Variants in CDH18 observed in about 807,000 individuals in gnomAD.
The protein encoded by CDH18 is cadherin 18, also known as cadherin-18.
CDH18 carries 31 observed loss-of-function variants against 67.9 expected under a neutral mutation model. The observed-to-expected ratio is 0.46, with a 90% CI of 0.34 to 0.62. The LOEUF is 0.62. Among genes scored for constraint, CDH18 ranks in the 20% least tolerant of loss-of-function variants. CDH18 has a pLI of 0.01. For synonymous variants in CDH18, 362 were observed against 347.2 expected, an observed-to-expected ratio of 1.04 and a Z score of -0.48; for missense variants, 890 against 975.5, an observed-to-expected ratio of 0.91 and a Z score of 1.17.
rs1580436531 is a variant in CDH18 at position 20,188,639 on chromosome 5, G to A, written c.-518+66805C>T. ...GTTTAAATAGCTTGTTTAAAATTAG[G>A]CAGATGGTAAATAGTGGGACTGACA... is the stretch of plus-strand genomic sequence containing the variant. On this transcript the variant is annotated intron_variant, in intron 2 of 14. Transcript: ENST00000507958. Among the ~76,000 whole-genome samples, 3 of 151,774 alleles carry A rather than the reference G, an allele frequency of 2.0e-5. No homozygotes were observed. The South Asian group carries it at 6.2e-4, about 32-fold the overall frequency.
intron 5 of CDH18, among the ~76,000 whole-genome samples, chr5:19,641,943 A>AAAC (rs896069631): frequency 2.2e-4 from 33 of 152,058 alleles, no homozygotes; most frequent in Non-Finnish European, 3.7e-4. Context: ...TAGAGGTACT[A>AAAC]AACAACAACA....
chr5:19,732,062 C>T lies in CDH18; in HGVS notation c.524-10596G>A, dbSNP rs148513390. ...CCCTGATCGTGCCATTGCACTCCAG[C>T]CTGGGTAACAGAGTGAGACCTTGTC... On this transcript the variant is annotated intron_variant, in intron 4 of 12. Transcript: ENST00000382275. Among the ~76,000 whole-genome samples, 1,236 of 151,510 alleles carry T rather than the reference C, an allele frequency of 8.2e-3. 9 individuals are homozygous for T. The highest frequency in any genetic ancestry group is 0.013 in the Non-Finnish European group (879 of 67,870).
chr5:20,026,663 C>G (rs1738926258), intron 2 of CDH18, among the ~76,000 whole-genome samples: 1 of 152,142 alleles, frequency 6.6e-6, no homozygotes, highest in South Asian at 2.1e-4. Flanking sequence ...TTAACATAGT[C>G]TGTTGAAAAT....
chr5:20,181,004 C>G (rs1019992540), intron 2 of CDH18, among the ~76,000 whole-genome samples: 4 of 152,126 alleles, frequency 2.6e-5, no homozygotes, highest in Non-Finnish European at 5.9e-5. Flanking sequence ...CTTCTCTATT[C>G]ATGGATCACT....
Position 19,604,267 on chromosome 5 carries a change from C to T in CDH18, c.811+8167G>A, listed in dbSNP as rs899249611. The stretch of plus-strand genomic sequence containing the variant: ...TGAATAAGTCATTCCCTATGATTAC[C>T]CCAAGGCCCTATCTTACAAAAGCTG... On this transcript the variant is annotated intron_variant, in intron 6 of 12. Transcript: ENST00000382275. Among the ~76,000 whole-genome samples, 7 of 151,742 alleles carry T rather than the reference C, an allele frequency of 4.6e-5. No homozygotes were observed. The South Asian group carries it at 6.2e-4, about 14-fold the overall frequency.
chr5:19,775,190 G>A (rs1044686911), intron 3 of CDH18, among the ~76,000 whole-genome samples: 1 of 152,166 alleles, frequency 6.6e-6, no homozygotes, highest in Admixed American at 6.5e-5. Context: ...TGGTGAAGAT[G>A]AGGATGCTTG....
At chr5:20,563,032 A>T (rs992888615) in intron 1 of CDH18, among the ~76,000 whole-genome samples, 7 of 151,040 alleles carry the variant, frequency 4.6e-5, no homozygotes, top group Non-Finnish European at 1.0e-4. Context: ...AATCTAGATC[A>T]TTTTTTTCCA....
At chr5:20,269,252 A>G (rs376824618) in intron 1 of CDH18, among the ~76,000 whole-genome samples, 1 of 152,122 alleles carries the variant, frequency 6.6e-6, no homozygotes, top group African/African-American at 2.4e-5. Context: ...AAATGTGGAG[A>G]AAAGGGAACT....
intron 2 of CDH18, among the ~76,000 whole-genome samples, chr5:20,217,510 A>T (rs1487204674): frequency 6.6e-6 from 1 of 151,914 alleles, no homozygotes; most frequent in Non-Finnish European, 1.5e-5. Flanking sequence ...CTAGAAATAT[A>T]TACAATAGAT....
intron 2 of CDH18, among the ~76,000 whole-genome samples, chr5:20,195,467 T>C (rs1738901426): frequency 2.0e-5 from 3 of 152,124 alleles, no homozygotes; most frequent in East Asian, 3.9e-4. Flanking sequence ...AAACTACCTG[T>C]CAGATCACAT....
At chr5:20,047,662 C>G (rs925051707) in intron 2 of CDH18, among the ~76,000 whole-genome samples, 2 of 151,802 alleles carry the variant, frequency 1.3e-5, no homozygotes, top group Admixed American at 6.6e-5. Context: ...GATTTTGAAT[C>G]TGCTATTCAT....
chr5:20,523,866 C>T (rs1755894721), intron 1 of CDH18, among the ~76,000 whole-genome samples: 5 of 152,114 alleles, frequency 3.3e-5, no homozygotes, highest in Non-Finnish European at 7.3e-5. Flanking sequence ...TGAATATTCA[C>T]ATACTTTCAA....
At chr5:20,322,978 G>C (rs1464666266) in intron 1 of CDH18, among the ~76,000 whole-genome samples, 1 of 151,992 alleles carries the variant, frequency 6.6e-6, no homozygotes, top group Admixed American at 6.6e-5. Context: ...ATCCTTTGGT[G>C]CAACAAAGAA....
Position 19,520,642 on chromosome 5 carries a change from A to C in CDH18, c.1512+15T>G. 2 of 1,601,524 alleles carry C rather than the reference A, an allele frequency of 1.2e-6. No individual in the cohort carries two copies. Among genetic ancestry groups the C allele is most frequent in the South Asian group, 1.1e-5 (1 of 88,544 alleles). ...TATTCCATTCAAATGAGGAGGAAGG[A>C]AACAATTAACTTACCTGGCCAGGCT... On this transcript the variant is annotated intron_variant, in intron 10 of 12. Transcript: ENST00000382275.
chr5:20,462,394 C>T (rs1249051264), intron 1 of CDH18, among the ~76,000 whole-genome samples: 1 of 152,036 alleles, frequency 6.6e-6, no homozygotes, highest in Non-Finnish European at 1.5e-5. Context: ...AGGGTACAAA[C>T]ATACAGTTGG....
chr5:20,069,910 T>A (rs1317150277), intron 2 of CDH18, among the ~76,000 whole-genome samples: 4 of 152,140 alleles, frequency 2.6e-5, no homozygotes, highest in Non-Finnish European at 4.4e-5. Context: ...ACGGCACCTA[T>A]AATTATCACC....
At chr5:19,803,052 C>A (rs896107356) in intron 3 of CDH18, among the ~76,000 whole-genome samples, 1 of 152,176 alleles carries the variant, frequency 6.6e-6, no homozygotes, top group Non-Finnish European at 1.5e-5. Flanking sequence ...GTCACTTTTA[C>A]GCTTAAATTA....
intron 2 of CDH18, among the ~76,000 whole-genome samples, chr5:19,884,634 T>C (rs928900141): frequency 6.6e-6 from 1 of 152,000 alleles, no homozygotes; most frequent in Admixed American, 6.6e-5. Context: ...TACATACTTA[T>C]GACAACTCTG....
In CDH18 at chr5:20,519,942, C is replaced by CTTTTTTTTTTTTTTTTT. The variant is rs777265512; in HGVS notation, c.-580+55503_-580+55519dup. 9.8e-4 allele frequency among the ~76,000 whole-genome samples: 41 copies of CTTTTTTTTTTTTTTTTT among 41,686 alleles called. 9 individuals carry two copies. The highest frequency in any genetic ancestry group is 1.7e-3 in the African/African-American group (19 of 11,258). 27.3% of individuals were successfully genotyped at this position (41,686 alleles called of 152,430 possible). A position where few individuals can be genotyped will look rare whatever the true frequency, so the allele number is the denominator to read the frequency against. ...AGGCTGGAGTACAACACAGTCTTGGCTTTTTTTTTTTTTTTTTTTTTTTTT... is the reference window on the plus strand; with the variant it reads ...AGGCTGGAGTACAACACAGTCTTGGCTTTTTTTTTTTTTTTTTTTTTTTTTTTTTTTTTTTTTTTTTT... On this transcript the variant is annotated intron_variant, in intron 1 of 14. Coordinates refer to the CDH18 transcript ENST00000507958.
Sources: allele counts gnomAD v4.1 joint callset (sites outside exome capture counted in the v4.1 genomes callset), GRCh38; gene constraint gnomAD v4.1.1; transcripts MANE v1.5; gene names NCBI Gene and HGNC (gene_info 2026-07-23, HGNC 2026-07-21).